The following NEDD1 variants were observed in gnomAD, a reference collection of about 807,000 sequenced individuals.
NEDD1 encodes the protein NEDD1 gamma-tubulin ring complex targeting factor, also known as protein NEDD1.
A neutral mutation model predicts 74.0 loss-of-function variants in NEDD1; 33 were observed. The observed-to-expected ratio is 0.45, with a 90% CI of 0.34 to 0.60. NEDD1 has a LOEUF of 0.60. NEDD1 is among the 20% of genes least tolerant of loss of function. The probability of loss-of-function intolerance (pLI) is 0.01; values close to 1 mark genes in which losing one functional copy is unlikely to be tolerated. For synonymous variants in NEDD1, 250 were observed against 264.4 expected (o/e 0.95, Z 0.53); for missense variants, 746 against 776.5 (o/e 0.96, Z 0.47).
chr12:96,943,533 T>C (rs1877876905), intron 11 of NEDD1, 27 bp from the exon 12 acceptor site: 2 of 1,539,456 alleles, frequency 1.3e-6, no homozygotes, highest in Non-Finnish European at 9.0e-7. Context: ...GGACACCATA[T>C]GCACATGCAG....
chr12:96,923,829 T>TGA (rs1555201769), intron 6 of NEDD1, among the ~76,000 whole-genome samples: 15 of 147,402 alleles, frequency 1.0e-4, no homozygotes, highest in African/African-American at 3.8e-4. Flanking sequence ...TGTGTGTGTG[T>TGA]GAAACTGTAT....
At chr12:96,942,978 C>T (rs114156231) in intron 11 of NEDD1, among the ~76,000 whole-genome samples, 3,058 of 152,080 alleles carry the variant, frequency 0.02, 110 homozygotes, top group African/African-American at 0.068. Flanking sequence ...ACCTCAGAGC[C>T]GGTGAACAAG....
At position 96,925,409 on chromosome 12, in the gene NEDD1, T is replaced by C. The variant is rs763760521; in HGVS notation, c.489+5284T>C. Among the ~76,000 whole-genome samples, 110 of 152,310 alleles carry C rather than the reference T, an allele frequency of 7.2e-4. 1 individual carries two copies. Among genetic ancestry groups the C allele is most frequent in the Middle Eastern group, 3.4e-3 (1 of 294 alleles). On this transcript the variant is annotated intron_variant, in intron 6 of 15. Transcript: ENST00000266742. ...CATTGTCTCGTTTAATCTTTGCTAC[T>C]AACTTGTGAGGTATATGTTCTCATT...
chr12:96,940,074 TAA>T (rs1877513704), intron 9 of NEDD1, among the ~76,000 whole-genome samples: 1 of 152,044 alleles, frequency 6.6e-6, no homozygotes, highest in African/African-American at 2.4e-5. Context: ...CAGTGTACTT[TAA>T]GAGAGCAGCA....
In NEDD1 at chr12:96,914,774, C is replaced by T. The variant is rs892638609; in HGVS notation, c.231+1957C>T. Among the ~76,000 whole-genome samples, 12 of 152,188 alleles carry T rather than the reference C, an allele frequency of 7.9e-5. No individual in the cohort carries two copies. The South Asian group carries it at 2.3e-3, about 29-fold the overall frequency. ...AAGTAGAATGTACCTTTGCCTTGCA[C>T]CTTGAGCAGTTCAGGATTCCTGTAA... On this transcript the variant is annotated intron_variant, in intron 4 of 15. Transcript: ENST00000266742.
chr12:96,912,646 T>C, intron 3 of NEDD1, 77 bp from the exon 4 acceptor site: 1 of 739,344 alleles, frequency 1.4e-6, no homozygotes, highest in Non-Finnish European at 2.4e-6. Flanking sequence ...TGTTAGCTTT[T>C]ATAATCGCAA....
chr12:96,924,747 G>T, intron 6 of NEDD1: 2 of 414,230 alleles, frequency 4.8e-6, no homozygotes, highest in South Asian at 1.8e-5. Flanking sequence ...AGACTATCAT[G>T]GCTGTCATCT....
At chr12:96,935,881 AC>A (rs1877034462) in intron 7 of NEDD1, among the ~76,000 whole-genome samples, 1 of 152,222 alleles carries the variant, frequency 6.6e-6, no homozygotes, top group Admixed American at 6.5e-5. Context: ...CAAGATGCTT[AC>A]CACTGTCTGT....
At chr12:96,909,142 C>T (rs180946474) in intron 2 of NEDD1, among the ~76,000 whole-genome samples, 2,275 of 148,444 alleles carry the variant, frequency 0.015, 19 homozygotes, top group Middle Eastern at 0.071. Context: ...CACCATTGCA[C>T]TCCAGCCTGG....
intron 4 of NEDD1, among the ~76,000 whole-genome samples, chr12:96,913,527 C>A (rs1408330349): frequency 6.6e-6 from 1 of 152,114 alleles, no homozygotes; most frequent in Non-Finnish European, 1.5e-5. Flanking sequence ...GTGCCCACCA[C>A]CACGCCTGGC....
intron 4 of NEDD1, among the ~76,000 whole-genome samples, chr12:96,913,530 C>T (rs1399800157): frequency 2.6e-5 from 4 of 152,020 alleles, no homozygotes; most frequent in South Asian, 2.1e-4. Flanking sequence ...CCCACCACCA[C>T]GCCTGGCTAA....
chr12:96,952,031 A>G lies in NEDD1; in HGVS notation c.1961A>G (p.Lys654Arg). 6.2e-7 allele frequency: 1 copy of G among 1,600,632 alleles called. No individual in the cohort carries two copies. Among genetic ancestry groups the G allele is most frequent in the Non-Finnish European group, 8.6e-7 (1 of 1,169,360 alleles). The change falls in exon 16 of 16, where the codon AAA becomes AGA. Residue 654 changes from lysine (K) to arginine (R), a missense_variant. Lys to Arg is a conservative substitution (Grantham distance 26, BLOSUM62 2). Coordinates refer to ENST00000266742, the MANE Select transcript of NEDD1 (RefSeq NM_152905.4). ...ATTGAAAGACTACGAGAAGAAAACA[A>G]AAGATTACGGGCCCACTTTTGAAAT... is the stretch of plus-strand genomic sequence containing the variant. ...AEIERLREEN[K>R]RLRAHF
chr12:96,911,515 G>A (rs1374939873), intron 3 of NEDD1, among the ~76,000 whole-genome samples: 1 of 152,082 alleles, frequency 6.6e-6, no homozygotes, highest in Non-Finnish European at 1.5e-5. Flanking sequence ...AGCAACTTGG[G>A]GTCCACATAG....
At chr12:96,925,578 G>GAAA (rs1310162302) in intron 6 of NEDD1, among the ~76,000 whole-genome samples, 4 of 152,248 alleles carry the variant, frequency 2.6e-5, no homozygotes, top group Admixed American at 2.6e-4. Context: ...GTTTGAGGGT[G>GAAA]AAAAGCTTCT....
At chr12:96,932,999 CTTT>C (rs759478137) in intron 6 of NEDD1, among the ~76,000 whole-genome samples, 3 of 135,210 alleles carry the variant, frequency 2.2e-5, no homozygotes, top group Non-Finnish European at 1.6e-5. Context: ...TATCTTTAGC[CTTT>C]TTTTTTTTTT....
intron 5 of NEDD1, among the ~76,000 whole-genome samples, chr12:96,918,552 G>A (rs999061203): frequency 6.6e-6 from 1 of 152,056 alleles, no homozygotes; most frequent in African/African-American, 2.4e-5. Context: ...AATTACTCTG[G>A]ATGGTTTTCT....
chr12:96,943,377 A>G (rs939722132), intron 11 of NEDD1, among the ~76,000 whole-genome samples, 183 bp from the exon 12 acceptor site: 2 of 152,160 alleles, frequency 1.3e-5, no homozygotes, highest in African/African-American at 4.8e-5. Flanking sequence ...ATAGTCACAG[A>G]AAGTTTAAGA....
At chr12:96,916,075 G>T (rs982169693) in intron 4 of NEDD1, among the ~76,000 whole-genome samples, 49 of 151,946 alleles carry the variant, frequency 3.2e-4, no homozygotes, top group Admixed American at 1.9e-3. Flanking sequence ...CAAATATAGG[G>T]TTGTATATTT....
At position 96,909,914 on chromosome 12, in the gene NEDD1, AAACACAC is replaced by A. The variant is rs772763502; in HGVS notation, c.136+21_136+27del. 13 of 1,539,322 alleles carry A rather than the reference AAACACAC, an allele frequency of 8.4e-6. No homozygotes were observed. The Admixed American group carries it at 9.5e-5, about 11-fold the overall frequency. On this transcript the variant is annotated intron_variant, in intron 3 of 15. Coordinates refer to ENST00000266742, the MANE Select transcript of NEDD1 (RefSeq NM_152905.4). ...AGCAATAGTATCCTTTAAAAAAAAA[AAACACAC>A]ACACACACACACAAACCGCTTATTA...
Sources: allele counts gnomAD v4.1 joint callset (sites outside exome capture counted in the v4.1 genomes callset), GRCh38; gene constraint gnomAD v4.1.1; transcripts MANE v1.5; gene names NCBI Gene and HGNC (gene_info 2026-07-23, HGNC 2026-07-21).